RASGRF2: variants seen among roughly 807,000 people sequenced by gnomAD.
RASGRF2 encodes the protein Ras protein specific guanine nucleotide releasing factor 2, also known as ras-specific guanine nucleotide-releasing factor 2.
Under a neutral mutation model 151.0 loss-of-function variants are expected in RASGRF2, and 76 were observed. The observed-to-expected ratio is 0.50, with a 90% CI of 0.42 to 0.61. RASGRF2 has a LOEUF of 0.61. Among genes scored for constraint, RASGRF2 ranks in the 20% least tolerant of loss-of-function variants. The pLI, the probability that RASGRF2 is intolerant of heterozygous loss-of-function variation, is 0.00. For synonymous variants in RASGRF2, 504 were observed against 566.5 expected, an observed-to-expected ratio of 0.89 and a Z score of 1.57; for missense variants, 1,148 against 1,564.6, an observed-to-expected ratio of 0.73 and a Z score of 4.49.
intron 17 of RASGRF2, among the ~76,000 whole-genome samples, chr5:81,148,896 T>G (rs1392992192): frequency 6.6e-6 from 1 of 152,064 alleles, no homozygotes; most frequent in Non-Finnish European, 1.5e-5. Context: ...TTAACCTCAC[T>G]AATTATTGGG....
At chr5:80,995,718 A>G (rs1580180081) in intron 1 of RASGRF2, among the ~76,000 whole-genome samples, 1 of 92,544 alleles carries the variant, frequency 1.1e-5, no homozygotes, top group Admixed American at 1.8e-4. Flanking sequence ...TTTGAGATGG[A>G]GTCTCCGTCT....
intron 1 of RASGRF2, among the ~76,000 whole-genome samples, chr5:80,973,424 G>T (rs932430403): frequency 9.2e-5 from 14 of 152,144 alleles, no homozygotes; most frequent in African/African-American, 3.4e-4. Context: ...CGTATTCTGG[G>T]TATCTCATTC....
At position 81,058,806 on chromosome 5, in the gene RASGRF2, T is replaced by G. The variant is rs144849961; in HGVS notation, c.396-9226T>G. Among the ~76,000 whole-genome samples the G allele has an allele frequency of 5.4e-3, 763 of 142,176 alleles. 7 individuals carry two copies. Among genetic ancestry groups the G allele is most frequent in the African/African-American group, 0.017 (660 of 38,174 alleles). 93.3% of individuals were successfully genotyped at this position (142,176 alleles called of 152,430 possible). A position where few individuals can be genotyped will look rare whatever the true frequency, so the allele number is the denominator to read the frequency against. Reference sequence around the variant, plus strand: ...AAAAAAAAAAAAAAAAAAAAGAGAGTGTGTAAAATAAATCATATTAGATGA... The same window carrying G: ...AAAAAAAAAAAAAAAAAAAAGAGAGGGTGTAAAATAAATCATATTAGATGA... On this transcript the variant is annotated intron_variant, in intron 2 of 26. Transcript: ENST00000265080.
chr5:81,178,961 A>C (rs1484024630), intron 17 of RASGRF2, among the ~76,000 whole-genome samples: 2 of 152,106 alleles, frequency 1.3e-5, no homozygotes, highest in African/African-American at 2.4e-5. Flanking sequence ...GATGGTCTGG[A>C]TCTCCTGACC....
At chr5:81,032,651 A>G (rs571140537) in intron 1 of RASGRF2, among the ~76,000 whole-genome samples, 117 of 152,322 alleles carry the variant, frequency 7.7e-4, no homozygotes, top group Non-Finnish European at 1.2e-3. Context: ...GTATCTCAAA[A>G]TAATAAGAGC....
At chr5:80,991,843 C>T (rs1748661584) in intron 1 of RASGRF2, among the ~76,000 whole-genome samples, 1 of 152,162 alleles carries the variant, frequency 6.6e-6, no homozygotes. Flanking sequence ...GGGACAGTGG[C>T]TTTTAACCTG....
At chr5:81,158,559 T>C (rs1440169917) in intron 17 of RASGRF2, among the ~76,000 whole-genome samples, 1 of 151,820 alleles carries the variant, frequency 6.6e-6, no homozygotes, top group East Asian at 1.9e-4. Flanking sequence ...AAATCATACA[T>C]CTGATAAGGA....
At chr5:81,171,237 C>T (rs1754650636) in intron 17 of RASGRF2, among the ~76,000 whole-genome samples, 1 of 152,206 alleles carries the variant, frequency 6.6e-6, no homozygotes, top group South Asian at 2.1e-4. Context: ...CTACCACTCA[C>T]TCCTGATCCC....
chr5:81,103,409 G>A (rs1752757640), intron 12 of RASGRF2, among the ~76,000 whole-genome samples: 1 of 151,880 alleles, frequency 6.6e-6, no homozygotes. Flanking sequence ...CTCAAATACA[G>A]CAAAGAGGGT....
intron 17 of RASGRF2, among the ~76,000 whole-genome samples, chr5:81,174,250 A>G (rs1754723105): frequency 6.6e-6 from 1 of 152,234 alleles, no homozygotes; most frequent in Non-Finnish European, 1.5e-5. Flanking sequence ...GAAAAGACAC[A>G]TACACTTGGT....
At chr5:80,979,155 T>C (rs1281223647) in intron 1 of RASGRF2, among the ~76,000 whole-genome samples, 2 of 152,180 alleles carry the variant, frequency 1.3e-5, no homozygotes, top group Non-Finnish European at 2.9e-5. Flanking sequence ...ATTAGGGTAG[T>C]TCCCAATTTC....
intron 1 of RASGRF2, among the ~76,000 whole-genome samples, chr5:81,027,426 T>TA (rs1274672185): frequency 6.6e-6 from 1 of 152,088 alleles, no homozygotes; most frequent in African/African-American, 2.4e-5. Context: ...AAAATAGTGA[T>TA]AAAAAAACTC....
intron 2 of RASGRF2, among the ~76,000 whole-genome samples, chr5:81,055,295 C>T (rs1475521106): frequency 3.9e-5 from 6 of 152,202 alleles, no homozygotes; most frequent in South Asian, 4.2e-4. Context: ...TTTTGAGATA[C>T]GTCCCATCAA....
intron 2 of RASGRF2, among the ~76,000 whole-genome samples, chr5:81,065,541 TTTTA>T (rs1751576715): frequency 6.6e-6 from 1 of 152,166 alleles, no homozygotes; most frequent in South Asian, 2.1e-4. Flanking sequence ...CAGCTGTGCC[TTTTA>T]TTTCTTATTT....
intron 16 of RASGRF2, among the ~76,000 whole-genome samples, chr5:81,124,088 T>C (rs1753388221): frequency 6.6e-6 from 1 of 152,226 alleles, no homozygotes; most frequent in East Asian, 1.9e-4. Flanking sequence ...AGCATTTCCA[T>C]TGTGTTAGTT....
intron 2 of RASGRF2, among the ~76,000 whole-genome samples, chr5:81,056,162 T>A (rs1751203863): frequency 6.6e-6 from 1 of 152,210 alleles, no homozygotes; most frequent in Admixed American, 6.5e-5. Context: ...TTTTTTGCCT[T>A]CTGCTGGCTT....
At chr5:81,187,145 C>G (rs529449240) in intron 18 of RASGRF2, among the ~76,000 whole-genome samples, 23 of 152,146 alleles carry the variant, frequency 1.5e-4, no homozygotes, top group Non-Finnish European at 2.6e-4. Context: ...AGTGAACCAC[C>G]TAAGTCTCAA....
chr5:81,168,920 C>G (rs1754578962), intron 17 of RASGRF2, among the ~76,000 whole-genome samples: 2 of 152,162 alleles, frequency 1.3e-5, no homozygotes, highest in African/African-American at 4.8e-5. Flanking sequence ...ACTAATGTGC[C>G]TGGGTTTCCA....
chr5:81,186,459 A>G (rs979215310), intron 18 of RASGRF2, among the ~76,000 whole-genome samples: 2 of 152,074 alleles, frequency 1.3e-5, no homozygotes, highest in African/African-American at 4.8e-5. Context: ...GTTTCTCTCA[A>G]TTTGTTCTTT....
Sources: allele counts gnomAD v4.1 joint callset (sites outside exome capture counted in the v4.1 genomes callset), GRCh38; gene constraint gnomAD v4.1.1; transcripts MANE v1.5; gene names NCBI Gene and HGNC (gene_info 2026-07-23, HGNC 2026-07-21).